Variants in METAP1 observed in about 807,000 individuals in gnomAD.
METAP1 encodes the protein methionine aminopeptidase 1.
A neutral mutation model predicts 53.8 loss-of-function variants in METAP1; 28 were observed. The observed-to-expected ratio is 0.52, with a 90% CI of 0.39 to 0.71. METAP1 has a LOEUF of 0.71. METAP1 is among the 30% of genes least tolerant of loss of function. The pLI is 0.00. For synonymous variants in METAP1, 181 were observed against 165.7 expected (o/e 1.09, Z -0.71); for missense variants, 389 against 479.8 (o/e 0.81, Z 1.77).
Position 99,035,478 on chromosome 4 carries a change from G to T in METAP1, c.340+18G>T. 6.6e-7 allele frequency: 1 copy of T among 1,523,020 alleles called. No homozygotes were observed. Among genetic ancestry groups the T allele is most frequent in the Non-Finnish European group, 8.9e-7 (1 of 1,122,670 alleles). 94.3% of individuals were successfully genotyped at this position (1,523,020 alleles called of 1,614,324 possible). ...TCCCTTAGGTAAGCTCTGCTATGTTGATTCTTCATTTTTCAATTTGTGGGC... is the reference window on the plus strand; with the variant it reads ...TCCCTTAGGTAAGCTCTGCTATGTTTATTCTTCATTTTTCAATTTGTGGGC... On this transcript the variant is annotated intron_variant, in intron 4 of 10. Coordinates refer to ENST00000296411, the MANE Select transcript of METAP1 (RefSeq NM_015143.3).
At chr4:99,048,992 A>G in intron 9 of METAP1, 116 bp downstream of exon 9, 1 of 1,239,908 alleles carries the variant, frequency 8.1e-7, no homozygotes, top group Non-Finnish European at 1.1e-6. Flanking sequence ...TAGCTGTAAT[A>G]GATAGATTCC....
At position 98,995,881 on chromosome 4, in the gene METAP1, G is replaced by A. The variant is rs930440920; in HGVS notation, c.114+14G>A. ...TTCTGCTCGCAGGTAGGCGCCCGCTGCCCCGCGGATATGCCGCCGCTGCGG... is the reference window on the plus strand; with the variant it reads ...TTCTGCTCGCAGGTAGGCGCCCGCTACCCCGCGGATATGCCGCCGCTGCGG... On this transcript the variant is annotated intron_variant, in intron 1 of 10. Coordinates refer to ENST00000296411, the MANE Select transcript of METAP1 (RefSeq NM_015143.3). 60 of 1,529,850 alleles carry A rather than the reference G, an allele frequency of 3.9e-5. No homozygotes were observed. The highest frequency in any genetic ancestry group is 5.0e-5 in the Non-Finnish European group (57 of 1,133,326). The allele number at this position is 1,529,850 out of a possible 1,614,324, so 94.8% of individuals were successfully genotyped here.
intron 1 of METAP1, chr4:99,025,284 C>G (rs1446899827): frequency 5.1e-6 from 4 of 785,454 alleles, no homozygotes. Context: ...ACAAGGACAG[C>G]TTGGAGGTTA....
intron 8 of METAP1, among the ~76,000 whole-genome samples, chr4:99,046,908 T>C (rs947478055): frequency 2.0e-5 from 3 of 148,854 alleles, no homozygotes; most frequent in Non-Finnish European, 4.4e-5. Flanking sequence ...TCTATTCTTT[T>C]TGCTTCTCTG....
chr4:99,017,678 C>T lies in METAP1; in HGVS notation c.115-11189C>T, dbSNP rs574871111. On this transcript the variant is annotated intron_variant, in intron 1 of 10. Transcript: ENST00000296411. ...TAGGATAGCCTCATACTTTAAAATC[C>T]TAGAATCAGTCAGCCATCTTTCCGC... is the stretch of plus-strand genomic sequence containing the variant. Among the ~76,000 whole-genome samples, 18 of 152,344 alleles carry T rather than the reference C, an allele frequency of 1.2e-4. No individual in the cohort carries two copies. In the East Asian group the frequency reaches 1.5e-3, roughly 13 times the overall value.
intron 8 of METAP1, among the ~76,000 whole-genome samples, chr4:99,047,023 A>G (rs1340333450): frequency 6.6e-6 from 1 of 151,846 alleles, no homozygotes; most frequent in Non-Finnish European, 1.5e-5. Flanking sequence ...ACTTGCCAAT[A>G]GTTTTCATAA....
At chr4:99,046,953 A>AAAAAAAAAAAAAAAAG (rs1560730243) in intron 8 of METAP1, among the ~76,000 whole-genome samples, 2 of 149,034 alleles carry the variant, frequency 1.3e-5, no homozygotes, top group African/African-American at 2.5e-5. Context: ...AAAAAAAAAA[A>AAAAAAAAAAAAAAAAG]AAAAAGAAAA....
At chr4:99,047,337 A>G (rs1040889508) in intron 8 of METAP1, among the ~76,000 whole-genome samples, 4 of 152,180 alleles carry the variant, frequency 2.6e-5, no homozygotes, top group African/African-American at 9.7e-5. Context: ...ACAACCAGAA[A>G]TATTAATATC....
At chr4:99,058,201 T>C (rs1266812217) in intron 10 of METAP1, among the ~76,000 whole-genome samples, 5 of 152,112 alleles carry the variant, frequency 3.3e-5, no homozygotes, top group Admixed American at 6.5e-5. Flanking sequence ...GAGGCAGACA[T>C]GATTATATGA....
At chr4:99,011,240 C>T (rs954131079) in intron 1 of METAP1, among the ~76,000 whole-genome samples, 2 of 152,096 alleles carry the variant, frequency 1.3e-5, no homozygotes, top group Non-Finnish European at 2.9e-5. Flanking sequence ...TGTTCCTGGA[C>T]TCAGATGAAA....
chr4:99,005,170 A>AAAT (rs528328330), intron 1 of METAP1, among the ~76,000 whole-genome samples: 27 of 152,288 alleles, frequency 1.8e-4, no homozygotes, highest in Non-Finnish European at 2.5e-4. Flanking sequence ...TGCACAGCAA[A>AAAT]AATAATAATA....
chr4:99,031,431 T>C, intron 2 of METAP1: 1 of 1,272,248 alleles, frequency 7.9e-7, no homozygotes, highest in Middle Eastern at 2.2e-4. Flanking sequence ...CCGCATTTAA[T>C]AAAAGAACTC....
At chr4:98,998,684 G>A (rs999623637) in intron 1 of METAP1, among the ~76,000 whole-genome samples, 1 of 152,098 alleles carries the variant, frequency 6.6e-6, no homozygotes, top group Admixed American at 6.5e-5. Flanking sequence ...GAACAAAACT[G>A]CAAGAGGCCT....
At chr4:99,057,613 T>C (rs1727247634) in intron 9 of METAP1, 140 bp from the exon 10 acceptor site, 2 of 656,342 alleles carry the variant, frequency 3.0e-6, no homozygotes, top group South Asian at 3.9e-5. Flanking sequence ...TACCTGTTTG[T>C]TGAACTTTAA....
At chr4:99,019,769 G>T (rs1350362965) in intron 1 of METAP1, among the ~76,000 whole-genome samples, 1 of 152,068 alleles carries the variant, frequency 6.6e-6, no homozygotes, top group Non-Finnish European at 1.5e-5. Context: ...TCTATCTTTT[G>T]TAGCTTCCTC....
At chr4:99,017,313 A>G (rs1413220559) in intron 1 of METAP1, among the ~76,000 whole-genome samples, 5 of 152,192 alleles carry the variant, frequency 3.3e-5, no homozygotes, top group African/African-American at 9.7e-5. Flanking sequence ...AAGTGTTCCT[A>G]TCTCATTTTC....
intron 1 of METAP1, among the ~76,000 whole-genome samples, chr4:99,011,874 A>T (rs57770074): frequency 0.062 from 9,450 of 152,176 alleles, 997 homozygotes; most frequent in African/African-American, 0.21. Context: ...TAGGAGGCGG[A>T]GGTTGCGGTG....
chr4:99,031,552 T>C (rs1266183634), intron 2 of METAP1: 9 of 1,288,792 alleles, frequency 7.0e-6, no homozygotes, highest in Middle Eastern at 2.1e-4. Context: ...CACCAAACTT[T>C]GTGACCATGG....
At chr4:99,003,408 TC>T (rs768925997) in intron 1 of METAP1, among the ~76,000 whole-genome samples, 1 of 152,218 alleles carries the variant, frequency 6.6e-6, no homozygotes, top group Non-Finnish European at 1.5e-5. Context: ...AAATGTAAGT[TC>T]CGTTAGGTTT....
Sources: allele counts gnomAD v4.1 joint callset (sites outside exome capture counted in the v4.1 genomes callset), GRCh38; gene constraint gnomAD v4.1.1; transcripts MANE v1.5; gene names NCBI Gene and HGNC (gene_info 2026-07-23, HGNC 2026-07-21).